The following SEMA3A variants were observed in gnomAD, a reference collection of about 807,000 sequenced individuals.
SEMA3A encodes the protein semaphorin 3A.
SEMA3A carries 29 observed loss-of-function variants against 97.9 expected under a neutral mutation model. That is an observed-to-expected ratio of 0.30 (90% CI 0.22 to 0.40). The LOEUF is 0.40. Among genes scored for constraint, SEMA3A ranks in the 10% least tolerant of loss-of-function variants. The probability of loss-of-function intolerance (pLI) is 1.00; values close to 1 mark genes in which losing one functional copy is unlikely to be tolerated. For missense variants in SEMA3A, 763 were observed against 951.3 expected (o/e 0.80, Z 2.60); for synonymous variants, 321 against 323.7 (o/e 0.99, Z 0.09).
At chr7:84,115,166 T>C (rs953555906) in intron 3 of SEMA3A, among the ~76,000 whole-genome samples, 1 of 152,112 alleles carries the variant, frequency 6.6e-6, no homozygotes, top group Non-Finnish European at 1.5e-5. Flanking sequence ...TATTTTGGTA[T>C]GTAGGCATAT....
At chr7:84,465,816 A>G (rs1805976013) in intron 1 of SEMA3A, among the ~76,000 whole-genome samples, 1 of 152,124 alleles carries the variant, frequency 6.6e-6, no homozygotes, top group South Asian at 2.1e-4. Flanking sequence ...TACAAGCATC[A>G]ACATTTCTTT....
chr7:84,334,323 A>G (rs2115960373), intron 2 of SEMA3A, among the ~76,000 whole-genome samples: 1 of 152,190 alleles, frequency 6.6e-6, no homozygotes, highest in South Asian at 2.1e-4. Flanking sequence ...TCTAAAGTTA[A>G]TCTCTATGTT....
chr7:83,973,743 T>A (rs1017251273), intron 15 of SEMA3A, among the ~76,000 whole-genome samples: 3 of 152,166 alleles, frequency 2.0e-5, no homozygotes, highest in African/African-American at 7.2e-5. Context: ...TCTGTGGACA[T>A]ATTACTGTGA....
intron 13 of SEMA3A, among the ~76,000 whole-genome samples, chr7:83,983,535 G>T (rs1789510643): frequency 6.7e-6 from 1 of 148,850 alleles, no homozygotes; most frequent in South Asian, 2.1e-4. Context: ...TTCCTTTAGG[G>T]GAGAAACAGA....
chr7:84,086,746 T>A (rs376937863), intron 4 of SEMA3A, among the ~76,000 whole-genome samples: 3 of 149,848 alleles, frequency 2.0e-5, no homozygotes, highest in East Asian at 1.9e-4. Context: ...ATATATATAT[T>A]TTTTTCCACA....
intron 5 of SEMA3A, among the ~76,000 whole-genome samples, chr7:84,057,540 G>A (rs1044390036): frequency 6.6e-6 from 1 of 152,226 alleles, no homozygotes; most frequent in Non-Finnish European, 1.5e-5. Context: ...GCTGAGGTGG[G>A]TGGATCACGA....
chr7:84,023,541 G>A lies in SEMA3A; in HGVS notation c.668-9190C>T, dbSNP rs189542445. On this transcript the variant is annotated intron_variant, in intron 6 of 16. Transcript: ENST00000265362. The stretch of plus-strand genomic sequence containing the variant: ...ATAAACTCTCTTGCACAAGTGCTGC[G>A]AGGCCTAGTTAATTTCATAACACGA... 2.6e-5 allele frequency among the ~76,000 whole-genome samples: 4 copies of A among 152,182 alleles called. No homozygotes were observed. In the East Asian group the frequency reaches 7.7e-4, roughly 29 times the overall value.
chr7:84,021,217 A>C (rs79425283), intron 6 of SEMA3A, among the ~76,000 whole-genome samples: 4,851 of 152,276 alleles, frequency 0.032, 209 homozygotes, highest in African/African-American at 0.096. Context: ...CCTTTAATTA[A>C]ACTGTTTATC....
chr7:84,164,652 C>T (rs982262084), intron 1 of SEMA3A, among the ~76,000 whole-genome samples: 1 of 152,092 alleles, frequency 6.6e-6, no homozygotes, highest in Non-Finnish European at 1.5e-5. Flanking sequence ...TTCCAGTTTA[C>T]AGTGAGAAAA....
intron 1 of SEMA3A, among the ~76,000 whole-genome samples, chr7:84,177,550 G>A: frequency 6.6e-6 from 1 of 151,954 alleles, no homozygotes; most frequent in South Asian, 2.1e-4. Context: ...TTTTTTATAG[G>A]TTTTGTTCCA....
intron 3 of SEMA3A, among the ~76,000 whole-genome samples, chr7:84,218,427 T>C (rs1056761107): frequency 6.6e-6 from 1 of 152,124 alleles, no homozygotes; most frequent in African/African-American, 2.4e-5. Context: ...TGCATTCGGA[T>C]AGATTAAGGA....
chr7:84,409,443 T>C (rs189958962), intron 1 of SEMA3A, among the ~76,000 whole-genome samples: 4 of 152,234 alleles, frequency 2.6e-5, no homozygotes, highest in Non-Finnish European at 5.9e-5. Context: ...CCCAATTGCA[T>C]CTTTCACATT....
rs1214858924 is a variant in SEMA3A at position 84,060,532 on chromosome 7, T to C, written c.480A>G (p.Ser160=). ...PEDNIFKLEN[S]HFENGRGKSP... is the part of the protein sequence containing the mutation. ...TCTTCCCACGGCCGTTTTCAAAATGTGAGTTCTCCAGCTTAAAAATATTGT... is the reference window on the plus strand; with the variant it reads ...TCTTCCCACGGCCGTTTTCAAAATGCGAGTTCTCCAGCTTAAAAATATTGT... Residue 160 remains serine, a synonymous_variant, in exon 5 of 17, where the codon TCA becomes TCG. Coordinates refer to ENST00000265362, the MANE Select transcript of SEMA3A (RefSeq NM_006080.3). 9.4e-6 allele frequency: 15 copies of C among 1,595,582 alleles called. No individual in the cohort carries two copies. Among genetic ancestry groups the C allele is most frequent in the Non-Finnish European group, 1.3e-5 (15 of 1,173,542 alleles).
chr7:83,989,586 C>T lies in SEMA3A; in HGVS notation c.1453-4109G>A, dbSNP rs866772677. Among the ~76,000 whole-genome samples, 693 of 131,886 alleles carry T rather than the reference C, an allele frequency of 5.3e-3. 5 individuals are homozygous for T. The highest frequency in any genetic ancestry group is 0.015 in the African/African-American group (504 of 34,252). The allele number at this position is 131,886 out of a possible 152,430, so 86.5% of individuals were successfully genotyped here. On this transcript the variant is annotated intron_variant, in intron 12 of 16. Coordinates refer to ENST00000265362, the MANE Select transcript of SEMA3A (RefSeq NM_006080.3). ...TGCGGTGTTTGGTTTTTTGTTCTTG[C>T]GATAGTTTACTGAGAATGATGATTT...
At chr7:84,438,037 G>C (rs776217121) in intron 1 of SEMA3A, among the ~76,000 whole-genome samples, 35 of 152,054 alleles carry the variant, frequency 2.3e-4, no homozygotes, top group Admixed American at 6.6e-4. Context: ...AATCTATCCA[G>C]AAAAGAGCTA....
At chr7:84,218,244 C>T (rs13221565) in intron 3 of SEMA3A, among the ~76,000 whole-genome samples, 53,421 of 151,600 alleles carry the variant, frequency 0.35, 10,399 homozygotes, top group Non-Finnish European at 0.46. Context: ...GATCTTTGGT[C>T]CTTGTCGATG....
At chr7:84,173,501 G>T (rs184250243) in intron 1 of SEMA3A, among the ~76,000 whole-genome samples, 1 of 148,804 alleles carries the variant, frequency 6.7e-6, no homozygotes, top group East Asian at 2.0e-4. Flanking sequence ...GGAGGTTGCG[G>T]TGAGCCGAGA....
In SEMA3A at chr7:84,011,107, A is replaced by G; in HGVS notation, c.926-16T>C. 6.2e-7 allele frequency: 1 copy of G among 1,609,218 alleles called. No individual in the cohort carries two copies. Among genetic ancestry groups the G allele is most frequent in the Non-Finnish European group, 8.5e-7 (1 of 1,176,106 alleles). Reference sequence around the variant, plus strand: ...AATACATCCTCTGTTTAAAAACAAAATTGGAGAAAGTTGCTTTTTTATGGA... The same window carrying G: ...AATACATCCTCTGTTTAAAAACAAAGTTGGAGAAAGTTGCTTTTTTATGGA... On this transcript the variant is annotated splice_polypyrimidine_tract_variant and intron_variant, in intron 8 of 16. Coordinates refer to ENST00000265362, the MANE Select transcript of SEMA3A (RefSeq NM_006080.3).
intron 3 of SEMA3A, among the ~76,000 whole-genome samples, chr7:84,204,442 T>A (rs1217953085): frequency 1.3e-5 from 2 of 152,104 alleles, no homozygotes; most frequent in Non-Finnish European, 2.9e-5. Flanking sequence ...GGAGTCGGAT[T>A]TTGCAGTCAA....
Sources: gnomAD v4.1 joint callset for allele counts (sites outside exome capture counted in the v4.1 genomes callset) on GRCh38, gnomAD v4.1.1 for gene constraint, MANE v1.5 for transcripts, NCBI Gene and HGNC (gene_info 2026-07-23, HGNC 2026-07-21) for gene names.